The following XRN2 variants were observed in gnomAD, a reference collection of about 807,000 sequenced individuals.
XRN2 encodes the protein 5'-3' exoribonuclease 2.
A neutral mutation model predicts 138.5 loss-of-function variants in XRN2; 44 were observed. The observed-to-expected ratio is 0.32, with a 90% confidence interval of 0.25 to 0.41. The LOEUF (loss-of-function observed/expected upper bound fraction) is 0.41. XRN2 is among the 10% of genes least tolerant of loss of function. XRN2 has a pLI of 1.00. For missense variants in XRN2, 937 were observed against 1,169.3 expected, an observed-to-expected ratio of 0.80 and a Z score of 2.90; for synonymous variants, 354 against 369.4, an observed-to-expected ratio of 0.96 and a Z score of 0.48.
intron 1 of XRN2, chr20:21,303,956 G>T (rs2037778694): frequency 1.4e-6 from 1 of 740,500 alleles, no homozygotes; most frequent in Non-Finnish European, 1.6e-6. Flanking sequence ...CAATTGTGCC[G>T]GAAAGGTTTT....
intron 20 of XRN2, among the ~76,000 whole-genome samples, chr20:21,351,139 AC>A (rs1434659024): frequency 6.6e-6 from 1 of 152,116 alleles, no homozygotes; most frequent in Non-Finnish European, 1.5e-5. Context: ...TGACTTGTCA[AC>A]TCTGTCATTG....
intron 21 of XRN2, among the ~76,000 whole-genome samples, chr20:21,355,574 G>C (rs1429549479): frequency 1.1e-4 from 17 of 151,992 alleles, no homozygotes; most frequent in Admixed American, 2.0e-4. Flanking sequence ...TTATCTTGCA[G>C]TATATTCATA....
chr20:21,365,538 C>T, intron 25 of XRN2, 35 bp from the exon 26 acceptor site: 1 of 1,613,138 alleles, frequency 6.2e-7, no homozygotes, highest in Middle Eastern at 1.6e-4. Flanking sequence ...TGGTTTTCAT[C>T]CCTATTACTA....
chr20:21,346,254 CTT>C (rs2038434240), intron 16 of XRN2, among the ~76,000 whole-genome samples, 159 bp from the exon 17 acceptor site: 1 of 152,164 alleles, frequency 6.6e-6, no homozygotes, highest in African/African-American at 2.4e-5. Flanking sequence ...TGAAATTAGA[CTT>C]TTTAGAAATA....
At position 21,333,921 on chromosome 20, in the gene XRN2, T is replaced by C. The variant is rs545447547; in HGVS notation, c.1068-16T>C. On this transcript the variant is annotated splice_polypyrimidine_tract_variant and intron_variant, in intron 11 of 29. Transcript: ENST00000377191. Reference sequence around the variant, plus strand: ...CCTACTGGTCCTAATGCATAATGTTTGTCTCTTGCTGACAGGGAAAATGCA... The same window carrying C: ...CCTACTGGTCCTAATGCATAATGTTCGTCTCTTGCTGACAGGGAAAATGCA... 6.2e-7 allele frequency: 1 copy of C among 1,614,156 alleles called. No homozygotes were observed. The highest frequency in any genetic ancestry group is 1.1e-5 in the South Asian group (1 of 91,080).
chr20:21,352,942 T>C (rs1455850980), intron 20 of XRN2, among the ~76,000 whole-genome samples: 1 of 151,894 alleles, frequency 6.6e-6, no homozygotes, highest in Non-Finnish European at 1.5e-5. Context: ...TATTCTCATG[T>C]TTACTATCAG....
intron 1 of XRN2, 21 bp downstream of exon 1, chr20:21,303,494 C>T (rs2037767297): frequency 2.0e-6 from 3 of 1,535,462 alleles, no homozygotes; most frequent in African/African-American, 1.4e-5. Flanking sequence ...GCCAGGCGGC[C>T]GCCACACTCG....
chr20:21,325,821 CAG>C (rs2038119658), intron 1 of XRN2, among the ~76,000 whole-genome samples: 1 of 152,106 alleles, frequency 6.6e-6, no homozygotes, highest in Non-Finnish European at 1.5e-5. Context: ...AGCTGGAGAC[CAG>C]AGAGTCTAGA....
intron 1 of XRN2, among the ~76,000 whole-genome samples, chr20:21,310,531 C>T (rs951486250): frequency 6.6e-6 from 1 of 152,104 alleles, no homozygotes; most frequent in Non-Finnish European, 1.5e-5. Flanking sequence ...GTGGATAATA[C>T]ACTTATTATG....
rs1322311065 is a variant in XRN2, at chr20:21,387,963, T to A, written c.2787+957T>A. ...CAAATAATTTCTTCTGAGATTTTGT[T>A]ACAGTTTATTTGAATCAGTTTATCG... On this transcript the variant is annotated intron_variant, in intron 29 of 29. Coordinates refer to ENST00000377191, the MANE Select transcript of XRN2 (RefSeq NM_012255.5). Among the ~76,000 whole-genome samples, 3 of 152,230 alleles carry A rather than the reference T, an allele frequency of 2.0e-5. No homozygotes were observed. In the East Asian group the frequency reaches 5.8e-4, roughly 29 times the overall value.
At chr20:21,325,721 C>G (rs1034511713) in intron 1 of XRN2, among the ~76,000 whole-genome samples, 1 of 152,148 alleles carries the variant, frequency 6.6e-6, no homozygotes, top group African/African-American at 2.4e-5. Context: ...TTGATAAACA[C>G]CTGCTGTGAG....
rs1205132019 is a variant in XRN2 at position 21,307,527 on chromosome 20, G to A, written c.75+4054G>A. Among the ~76,000 whole-genome samples, 2 of 76,982 alleles carry A rather than the reference G, an allele frequency of 2.6e-5. 1 individual carries two copies. Among genetic ancestry groups the A allele is most frequent in the Non-Finnish European group, 6.1e-5 (2 of 32,726 alleles). 50.5% of individuals were successfully genotyped at this position (76,982 alleles called of 152,430 possible). On this transcript the variant is annotated intron_variant, in intron 1 of 29. Coordinates refer to ENST00000377191, the MANE Select transcript of XRN2 (RefSeq NM_012255.5). Reference sequence around the variant, plus strand: ...ATAGAATAAACTGCAGGTAATTAAAGTGTACAATTTTCTTTTAACTTTTTT... The same window carrying A: ...ATAGAATAAACTGCAGGTAATTAAAATGTACAATTTTCTTTTAACTTTTTT...
chr20:21,355,299 C>T (rs1372977196), intron 21 of XRN2, among the ~76,000 whole-genome samples: 1 of 152,110 alleles, frequency 6.6e-6, no homozygotes. Flanking sequence ...TCTTAGAGTG[C>T]TAACTTGAAA....
chr20:21,354,700 C>G, intron 20 of XRN2, 89 bp from the exon 21 acceptor site: 2 of 1,247,092 alleles, frequency 1.6e-6, no homozygotes, highest in Non-Finnish European at 2.3e-6. Context: ...CAAGGAAACT[C>G]TACTAGAAAC....
rs546443057 is a variant in XRN2 at position 21,314,840 on chromosome 20, A to G, written c.75+11367A>G. 1.4e-4 allele frequency among the ~76,000 whole-genome samples: 22 copies of G among 152,326 alleles called. 1 individual carries two copies. The South Asian group carries it at 2.5e-3, about 17-fold the overall frequency. ...CAACTTGTCTGAGTCTGAGGAGACAAGGACATCCATGTACAATGTTACATG... is the reference window on the plus strand; with the variant it reads ...CAACTTGTCTGAGTCTGAGGAGACAGGGACATCCATGTACAATGTTACATG... On this transcript the variant is annotated intron_variant, in intron 1 of 29. Coordinates refer to ENST00000377191, the MANE Select transcript of XRN2 (RefSeq NM_012255.5).
rs1759822063 is a variant in XRN2, at chr20:21,356,682, A to G, written c.2198+17A>G. 2 of 1,608,040 alleles carry G rather than the reference A, an allele frequency of 1.2e-6. No individual in the cohort carries two copies. Among genetic ancestry groups the G allele is most frequent in the Non-Finnish European group, 8.5e-7 (1 of 1,175,766 alleles). On this transcript the variant is annotated intron_variant, in intron 23 of 29. Transcript: ENST00000377191. ...TCCAGATCAGTAAGTTTCATTTTGT[A>G]TATAATTGAGGTGACTGGAAGGAAG...
intron 24 of XRN2, 54 bp from the exon 25 acceptor site, chr20:21,365,364 CATG>C: frequency 3.9e-6 from 6 of 1,544,044 alleles, no homozygotes; most frequent in Non-Finnish European, 5.3e-6. Context: ...CCTCAGTCTA[CATG>C]ATAAGACAGG....
intron 24 of XRN2, among the ~76,000 whole-genome samples, chr20:21,359,895 C>T (rs1172571567): frequency 3.3e-5 from 5 of 151,744 alleles, no homozygotes; most frequent in Admixed American, 6.6e-5. Context: ...TTTTCCTCTT[C>T]CTTATTTAAA....
At chr20:21,353,919 A>C (rs1231593720) in intron 20 of XRN2, among the ~76,000 whole-genome samples, 1 of 152,184 alleles carries the variant, frequency 6.6e-6, no homozygotes, top group Non-Finnish European at 1.5e-5. Flanking sequence ...TAAAGGGAAT[A>C]ATCACAAATA....
Sources: gnomAD v4.1 joint callset for allele counts (sites outside exome capture counted in the v4.1 genomes callset) on GRCh38, gnomAD v4.1.1 for gene constraint, MANE v1.5 for transcripts, NCBI Gene and HGNC (gene_info 2026-07-23, HGNC 2026-07-21) for gene names.